Variants in ACTN1 observed in about 807,000 individuals in gnomAD.
ACTN1 encodes the protein alpha-actinin-1.
Under a neutral mutation model 119.6 loss-of-function variants are expected in ACTN1, and 30 were observed. The ratio of observed to expected loss-of-function variants is 0.25; its 90% CI spans 0.19 to 0.34. The LOEUF is 0.34. Ranked by LOEUF, ACTN1 falls within the 10% of genes least tolerant of loss-of-function variation. The probability of loss-of-function intolerance (pLI) is 1.00; values close to 1 mark genes in which losing one functional copy is unlikely to be tolerated. For missense variants in ACTN1, 764 were observed against 1,223.4 expected (o/e 0.62, Z 5.60); for synonymous variants, 429 against 472.6 (o/e 0.91, Z 1.20).
intron 1 of ACTN1, among the ~76,000 whole-genome samples, chr14:68,972,784 G>T (rs1389690746): frequency 6.6e-6 from 1 of 152,252 alleles, no homozygotes; most frequent in African/African-American, 2.4e-5. Flanking sequence ...GCCTGGAGGA[G>T]TTCCGCAGCT....
chr14:68,949,498 GGTATCCAAA>G (rs2036059155), intron 1 of ACTN1, among the ~76,000 whole-genome samples: 1 of 152,208 alleles, frequency 6.6e-6, no homozygotes, highest in African/African-American at 2.4e-5. Context: ...GGGAAGGGGT[GGTATCCAAA>G]GCCCTCTGCT....
At chr14:68,954,453 G>A (rs1223443453) in intron 1 of ACTN1, among the ~76,000 whole-genome samples, 2 of 152,002 alleles carry the variant, frequency 1.3e-5, no homozygotes, top group East Asian at 1.9e-4. Flanking sequence ...TCAGCCTCCC[G>A]AGTAGCTGGG....
chr14:68,966,113 A>C (rs1374076163), intron 1 of ACTN1, among the ~76,000 whole-genome samples: 1 of 152,108 alleles, frequency 6.6e-6, no homozygotes, highest in African/African-American at 2.4e-5. Flanking sequence ...CCTACTTGGG[A>C]AACTGAGGTG....
At chr14:68,953,650 AG>A (rs2140555745) in intron 1 of ACTN1, among the ~76,000 whole-genome samples, 1 of 151,996 alleles carries the variant, frequency 6.6e-6, no homozygotes, top group South Asian at 2.1e-4. Flanking sequence ...AGGCCGAGGC[AG>A]GCAGATCATG....
intron 8 of ACTN1, among the ~76,000 whole-genome samples, chr14:68,895,616 A>G (rs535260504): frequency 3.3e-5 from 5 of 152,142 alleles, no homozygotes; most frequent in Non-Finnish European, 7.4e-5. Context: ...TATGCCAGAG[A>G]TGTGCCACTC....
chr14:68,954,526 C>T (rs919251566), intron 1 of ACTN1, among the ~76,000 whole-genome samples: 21 of 152,038 alleles, frequency 1.4e-4, no homozygotes, highest in African/African-American at 4.6e-4. Context: ...CGGGGTTTCA[C>T]CATGTTAGCC....
At chr14:68,908,062 T>C (rs1456124789) in intron 6 of ACTN1, among the ~76,000 whole-genome samples, 3 of 151,898 alleles carry the variant, frequency 2.0e-5, no homozygotes, top group Non-Finnish European at 4.4e-5. Context: ...AAGGATCCTC[T>C]TCCCCCAGGA....
chr14:68,946,149 G>A (rs1306987665), intron 1 of ACTN1, among the ~76,000 whole-genome samples: 3 of 152,158 alleles, frequency 2.0e-5, no homozygotes, highest in African/African-American at 2.4e-5. Context: ...ACAACTGTCC[G>A]TAACAGGGCC....
chr14:68,954,125 T>G (rs2036269985), intron 1 of ACTN1, among the ~76,000 whole-genome samples: 1 of 152,224 alleles, frequency 6.6e-6, no homozygotes, highest in Non-Finnish European at 1.5e-5. Context: ...TACTCTTTAG[T>G]GTTCTCCGAC....
chr14:68,958,143 C>T (rs868312855), intron 1 of ACTN1, among the ~76,000 whole-genome samples: 4 of 152,176 alleles, frequency 2.6e-5, no homozygotes, highest in South Asian at 2.1e-4. Context: ...TTTAACATTT[C>T]CTCCCAAACA....
At position 68,882,886 on chromosome 14, in the gene ACTN1, C is replaced by T. The variant is rs748706936; in HGVS notation, c.1805G>A (p.Gly602Asp). The change falls in exon 15 of 22, where the codon GGC (glycine) becomes GAC (aspartate). Residue 602 changes from glycine to aspartate, a missense_variant. This residue lies in a region of ACTN1 where 544 missense variants were observed against 912.0 expected (regional missense o/e 0.60). Transcript: ENST00000394419. The surrounding 1 kb of genome is among the most constrained non-coding windows in gnomAD (Gnocchi z 4.5). The part of the protein sequence containing the change: ...YTTITPQEIN[G>D]KWDHVRQLVP... ...CCTTCAACTCACGTGGTCCCATTTG[C>T]CATTGATCTCCTGAGGCGTGATGGT... The T allele has an allele frequency of 8.1e-6, 13 of 1,614,058 alleles. No homozygotes were observed. The highest frequency in any genetic ancestry group is 2.2e-5 in the East Asian group (1 of 44,902).
chr14:68,917,698 T>C (rs1414499962), intron 3 of ACTN1, among the ~76,000 whole-genome samples: 1 of 152,190 alleles, frequency 6.6e-6, no homozygotes, highest in Admixed American at 6.5e-5. Context: ...GAGTGGATGA[T>C]TTCACTCCTG....
At chr14:68,944,069 G>A (rs980122341) in intron 1 of ACTN1, among the ~76,000 whole-genome samples, 11 of 152,200 alleles carry the variant, frequency 7.2e-5, no homozygotes, top group Non-Finnish European at 1.6e-4. Context: ...AGAGCCACAG[G>A]GCAGCCCAGG....
At position 68,925,446 on chromosome 14, in the gene ACTN1, C is replaced by T. The variant is rs187613618; in HGVS notation, c.220+112G>A. 2.5e-5 allele frequency: 18 copies of T among 715,390 alleles called. No individual in the cohort carries two copies. In the East Asian group the frequency reaches 6.0e-4, roughly 24 times the overall value. 44.3% of individuals were successfully genotyped at this position (715,390 alleles called of 1,614,324 possible). On this transcript the variant is annotated intron_variant, in intron 2 of 21. Coordinates refer to ENST00000394419, the MANE Select transcript of ACTN1 (RefSeq NM_001130004.2). The surrounding 1 kb of genome is among the most constrained non-coding windows in gnomAD (Gnocchi z 4.3). ...CTAGGATGAATTCATACATGTCATC[C>T]CCAACTTGTTTCAAGAGACCAAAAC...
At chr14:68,919,940 A>T (rs528095730) in intron 3 of ACTN1, among the ~76,000 whole-genome samples, 86 of 152,308 alleles carry the variant, frequency 5.6e-4, no homozygotes, top group African/African-American at 2.0e-3. Flanking sequence ...TCTCCATTTG[A>T]TAAATATCCC....
chr14:68,887,735 A>G, intron 11 of ACTN1: 1 of 1,365,834 alleles, frequency 7.3e-7, no homozygotes, highest in South Asian at 1.2e-5. Flanking sequence ...ATTCCTCTGG[A>G]TTGTACAAGA....
intron 1 of ACTN1, among the ~76,000 whole-genome samples, chr14:68,936,155 C>T (rs913761372): frequency 6.6e-6 from 1 of 152,198 alleles, no homozygotes; most frequent in Non-Finnish European, 1.5e-5. Context: ...CAGCACCCGG[C>T]AACAATCTTT....
chr14:68,924,672 TAA>T (rs938590374), intron 2 of ACTN1, among the ~76,000 whole-genome samples: 1 of 152,028 alleles, frequency 6.6e-6, no homozygotes, highest in Non-Finnish European at 1.5e-5. Context: ...AGAGCTGGGG[TAA>T]AGGCCTTTGT....
At chr14:68,906,309 T>C (rs530869000) in intron 6 of ACTN1, among the ~76,000 whole-genome samples, 2 of 152,346 alleles carry the variant, frequency 1.3e-5, no homozygotes, top group South Asian at 4.1e-4. Flanking sequence ...TGGAAGAGTT[T>C]CTGGCTGGGC....
Sources: allele counts gnomAD v4.1 joint callset (sites outside exome capture counted in the v4.1 genomes callset), GRCh38; gene constraint gnomAD v4.1.1; regional missense constraint gnomAD v4.1.1; non-coding constraint Gnocchi (gnomAD v3.1); transcripts MANE v1.5; gene names NCBI Gene and HGNC (gene_info 2026-07-23, HGNC 2026-07-21).